Variants in CFAP47 observed in about 807,000 individuals in gnomAD.
CFAP47 encodes the protein cilia and flagella associated protein 47, also known as cilia- and flagella-associated protein 47.
Under a neutral mutation model 148.1 loss-of-function variants are expected in CFAP47, and 29 were observed. The ratio of observed to expected loss-of-function variants is 0.20; its 90% CI spans 0.15 to 0.27. CFAP47 has a LOEUF of 0.27. Ranked by LOEUF, CFAP47 falls within the 10% of genes least tolerant of loss-of-function variation. CFAP47 has a pLI of 1.00. For missense variants in CFAP47, 1,872 were observed against 1,697.5 expected, an observed-to-expected ratio of 1.10 and a Z score of -1.81; for synonymous variants, 664 against 577.3, an observed-to-expected ratio of 1.15 and a Z score of -2.15.
chrX:35,923,587 C>T (rs975769810), intron 1 of CFAP47, among the ~76,000 whole-genome samples: 5 of 109,878 alleles, frequency 4.6e-5, no homozygotes, highest in Admixed American at 9.8e-5. Flanking sequence ...TTTGGGAGGC[C>T]GAGGCGGGCA....
At chrX:36,225,952 G>C (rs782142118) in intron 45 of CFAP47, among the ~76,000 whole-genome samples, 73 of 111,657 alleles carry the variant, frequency 6.5e-4, no homozygotes, top group African/African-American at 2.4e-3. Context: ...CAATTCCAGG[G>C]ATTTTAATTA....
At chrX:36,285,771 A>C (rs1344105731) in intron 51 of CFAP47, 45 bp downstream of exon 51, 1 of 991,771 alleles carries the variant, frequency 1.0e-6, no homozygotes. Flanking sequence ...TTTTGTGAGC[A>C]CTCAGACCTT....
chrX:36,031,735 GAAT>G (rs201213277), intron 23 of CFAP47, among the ~76,000 whole-genome samples: 4 of 107,665 alleles, frequency 3.7e-5, no homozygotes, highest in African/African-American at 1.0e-4. Context: ...TAATAAATCT[GAAT>G]AATAATAATA....
At chrX:36,019,946 A>G (rs1174521819) in intron 22 of CFAP47, among the ~76,000 whole-genome samples, 1 of 110,794 alleles carries the variant, frequency 9.0e-6, no homozygotes, top group Non-Finnish European at 1.9e-5. Context: ...TTCTGCTCAG[A>G]TCTTATTTCT....
intron 15 of CFAP47, among the ~76,000 whole-genome samples, chrX:35,980,636 G>A (rs1936629920): frequency 9.0e-6 from 1 of 110,503 alleles, no homozygotes; most frequent in South Asian, 3.8e-4. Flanking sequence ...CTCCTATTAT[G>A]CATTTGTTAT....
intron 56 of CFAP47, among the ~76,000 whole-genome samples, chrX:36,315,426 G>A (rs1556010784): frequency 8.9e-6 from 1 of 112,090 alleles, no homozygotes; most frequent in Admixed American, 9.5e-5. Context: ...GTGTGAACCC[G>A]ACCTTTAACT....
chrX:36,007,226 A>G (rs1446342863), intron 21 of CFAP47, among the ~76,000 whole-genome samples: 3 of 112,221 alleles, frequency 2.7e-5, no homozygotes, highest in African/African-American at 6.5e-5. Context: ...ATTTAAGGAT[A>G]TGCAGAACCT....
intron 33 of CFAP47, among the ~76,000 whole-genome samples, chrX:36,109,169 C>T (rs1250764427): frequency 8.9e-6 from 1 of 112,093 alleles, no homozygotes; most frequent in African/African-American, 3.2e-5. Flanking sequence ...TGTGTATGTG[C>T]CATGTTTTGT....
intron 49 of CFAP47, among the ~76,000 whole-genome samples, chrX:36,276,254 G>A (rs1941016043): frequency 9.1e-6 from 1 of 110,168 alleles, no homozygotes; most frequent in South Asian, 3.8e-4. Context: ...TATGTCAAAG[G>A]TGATATGCAC....
intron 39 of CFAP47, 85 bp from the exon 40 acceptor site, chrX:36,179,260 A>T (rs750235887): frequency 2.4e-4 from 67 of 283,047 alleles, no homozygotes; most frequent in African/African-American, 1.8e-3. Context: ...TGTGAATGAT[A>T]GGAAAAAATA....
At chrX:36,325,276 T>A (rs782017891) in intron 57 of CFAP47, among the ~76,000 whole-genome samples, 1 of 111,618 alleles carries the variant, frequency 9.0e-6, no homozygotes, top group African/African-American at 3.2e-5. Context: ...TACAACACTA[T>A]AAGATAAATT....
At chrX:36,314,681 A>G (rs1556010616) in intron 56 of CFAP47, among the ~76,000 whole-genome samples, 1 of 111,644 alleles carries the variant, frequency 9.0e-6, no homozygotes, top group Non-Finnish European at 1.9e-5. Flanking sequence ...CTATCTGCCT[A>G]TCTATCTATC....
At chrX:36,289,910 A>G (rs982015020) in intron 51 of CFAP47, among the ~76,000 whole-genome samples, 7 of 110,833 alleles carry the variant, frequency 6.3e-5, no homozygotes, top group Non-Finnish European at 1.3e-4. Context: ...GTGCCTAATT[A>G]AAGGGAAAAG....
At chrX:35,977,075 A>G (rs1380361444) in intron 15 of CFAP47, among the ~76,000 whole-genome samples, 1 of 111,965 alleles carries the variant, frequency 8.9e-6, no homozygotes, top group Non-Finnish European at 1.9e-5. Context: ...AGCAATTAAG[A>G]AGTTGAATGA....
At chrX:35,970,269 G>A (rs1336530953) in intron 10 of CFAP47, among the ~76,000 whole-genome samples, 1 of 111,006 alleles carries the variant, frequency 9.0e-6, no homozygotes, top group African/African-American at 3.3e-5. Flanking sequence ...TTTATGAATT[G>A]TTTCCTCTAT....
intron 15 of CFAP47, among the ~76,000 whole-genome samples, chrX:35,979,755 G>A (rs1237630773): frequency 5.4e-5 from 6 of 111,507 alleles, no homozygotes; most frequent in Admixed American, 9.6e-5. Flanking sequence ...AGCATAGTAA[G>A]ACAAAGGAGA....
intron 33 of CFAP47, among the ~76,000 whole-genome samples, chrX:36,122,233 T>C (rs765708840): frequency 3.9e-4 from 44 of 111,694 alleles, no homozygotes; most frequent in Middle Eastern, 4.6e-3. Flanking sequence ...ATTCTGTCTA[T>C]ATCCTTGATC....
intron 53 of CFAP47, among the ~76,000 whole-genome samples, chrX:36,301,856 A>C (rs889744541): frequency 1.8e-5 from 2 of 110,676 alleles, no homozygotes; most frequent in Admixed American, 9.8e-5. Flanking sequence ...CTATTTATCA[A>C]GTTTGGTGCT....
At chrX:36,205,539 T>A (rs1336656829) in intron 45 of CFAP47, among the ~76,000 whole-genome samples, 2 of 111,440 alleles carry the variant, frequency 1.8e-5, no homozygotes, top group Non-Finnish European at 3.8e-5. Context: ...GAGAAGAATG[T>A]GTTATTGGTG....
Sources: gnomAD v4.1 joint callset for allele counts (sites outside exome capture counted in the v4.1 genomes callset) on GRCh38, gnomAD v4.1.1 for gene constraint, MANE v1.5 for transcripts, NCBI Gene and HGNC (gene_info 2026-07-23, HGNC 2026-07-21) for gene names.